PAPPA: variants seen among roughly 807,000 people sequenced by gnomAD.
PAPPA encodes pappalysin-1.
In PAPPA, 60 loss-of-function variants were observed where a neutral mutation model predicts 164.0. That is an observed-to-expected ratio of 0.37 (90% CI 0.30 to 0.45). The LOEUF (loss-of-function observed/expected upper bound fraction) is 0.45. PAPPA is among the 20% of genes least tolerant of loss of function. The pLI, the probability that PAPPA is intolerant of heterozygous loss-of-function variation, is 1.00. For missense variants in PAPPA, 1,782 were observed against 2,087.3 expected, an observed-to-expected ratio of 0.85 and a Z score of 2.85; for synonymous variants, 875 against 814.1, an observed-to-expected ratio of 1.07 and a Z score of -1.27.
chr9:116,154,365 C>T lies in PAPPA; in HGVS notation c.193C>T (p.Pro65Ser). Residue 65 changes from proline to serine, a missense_variant, in exon 1 of 22, where the codon CCG (proline) becomes TCG (serine). Physicochemically the swap from Pro to Ser is moderately conservative, Grantham distance 74. Coordinates refer to ENST00000328252, the MANE Select transcript of PAPPA (RefSeq NM_002581.5). The surrounding 1 kb of genome is among the most constrained non-coding windows in gnomAD (Gnocchi z 5.2). Reference sequence around the variant, plus strand: ...CGCCTCGCCGCCGCCGCCGCCGCCGCCGGGCGGTGCCTGGGAAGCCGTGCG... The same window carrying T: ...CGCCTCGCCGCCGCCGCCGCCGCCGTCGGGCGGTGCCTGGGAAGCCGTGCG... ...RRASPPPPPP[P>S]GGAWEAVRVP... 1.1e-6 allele frequency: 1 copy of T among 926,974 alleles called. No homozygotes were observed. Among genetic ancestry groups the T allele is most frequent in the Non-Finnish European group, 1.3e-6 (1 of 748,574 alleles). 57.4% of individuals were successfully genotyped at this position (926,974 alleles called of 1,614,324 possible). A position where few individuals can be genotyped will look rare whatever the true frequency, so the allele number is the denominator to read the frequency against.
At chr9:116,250,153 G>A (rs1219197961) in intron 7 of PAPPA, among the ~76,000 whole-genome samples, 1 of 152,048 alleles carries the variant, frequency 6.6e-6, no homozygotes, top group African/African-American at 2.4e-5. Flanking sequence ...TGGGGTATCG[G>A]GGGTTAATCT....
intron 2 of PAPPA, among the ~76,000 whole-genome samples, chr9:116,207,021 A>G (rs187134773): frequency 2.5e-4 from 38 of 152,312 alleles, no homozygotes; most frequent in Non-Finnish European, 4.6e-4. Flanking sequence ...TCTTTCATAC[A>G]TGGGGAGACC....
intron 1 of PAPPA, among the ~76,000 whole-genome samples, chr9:116,182,523 G>A (rs552536309): frequency 6.6e-6 from 1 of 152,318 alleles, no homozygotes; most frequent in East Asian, 1.9e-4. Flanking sequence ...TCGTCAGACA[G>A]ACTTGTCTTG....
At chr9:116,173,750 T>C (rs970023175) in intron 1 of PAPPA, among the ~76,000 whole-genome samples, 1 of 152,214 alleles carries the variant, frequency 6.6e-6, no homozygotes, top group Non-Finnish European at 1.5e-5. Context: ...CCAAATCCTG[T>C]ACCTCATGCA....
At chr9:116,333,646 G>A (rs1846021902) in intron 12 of PAPPA, among the ~76,000 whole-genome samples, 3 of 152,168 alleles carry the variant, frequency 2.0e-5, no homozygotes, top group Admixed American at 2.0e-4. Flanking sequence ...AAGGCAAGGG[G>A]AACCTATGAA....
chr9:116,263,209 A>G (rs1479586970), intron 7 of PAPPA, among the ~76,000 whole-genome samples: 2 of 152,214 alleles, frequency 1.3e-5, no homozygotes, highest in South Asian at 2.1e-4. Flanking sequence ...CTAATCAAAT[A>G]TGATGTTAGT....
In PAPPA at chr9:116,271,561, C is replaced by G; in HGVS notation, c.2953+145C>G. On this transcript the variant is annotated intron_variant, in intron 9 of 21. Transcript: ENST00000328252. The surrounding 1 kb of genome is among the most constrained non-coding windows in gnomAD (Gnocchi z 4.2). ...TGTTTATTGAGTGCCTCCTACATGC[C>G]AGGCACTGTTTTCAATATCGGGAAA... The G allele has an allele frequency of 1.5e-6, 1 of 654,160 alleles. No homozygotes were observed. Among genetic ancestry groups the G allele is most frequent in the Non-Finnish European group, 2.7e-6 (1 of 368,544 alleles). The allele number at this position is 654,160 out of a possible 1,614,324, so 40.5% of individuals were successfully genotyped here. A position where few individuals can be genotyped will look rare whatever the true frequency, so the allele number is the denominator to read the frequency against.
intron 21 of PAPPA, among the ~76,000 whole-genome samples, chr9:116,390,290 G>GAGAT (rs1846873496): frequency 6.6e-6 from 1 of 152,208 alleles, no homozygotes; most frequent in African/African-American, 2.4e-5. Context: ...GGAAGGACCA[G>GAGAT]AGATAGGGGT....
At chr9:116,262,040 C>T (rs942559692) in intron 7 of PAPPA, among the ~76,000 whole-genome samples, 2 of 151,894 alleles carry the variant, frequency 1.3e-5, no homozygotes, top group Non-Finnish European at 2.9e-5. Context: ...TGATTAGACC[C>T]CATCTCTACA....
At chr9:116,262,530 C>T (rs1025836979) in intron 7 of PAPPA, among the ~76,000 whole-genome samples, 1 of 152,120 alleles carries the variant, frequency 6.6e-6, no homozygotes, top group Non-Finnish European at 1.5e-5. Context: ...TGGACAGTGG[C>T]TCTAAATTTA....
chr9:116,340,193 T>C (rs956838997), intron 13 of PAPPA, among the ~76,000 whole-genome samples: 1 of 152,256 alleles, frequency 6.6e-6, no homozygotes, highest in Non-Finnish European at 1.5e-5. Context: ...TTCCCTCTTT[T>C]TTTGAATGAA....
At chr9:116,336,801 A>G (rs1846067753) in intron 13 of PAPPA, among the ~76,000 whole-genome samples, 1 of 152,104 alleles carries the variant, frequency 6.6e-6, no homozygotes, top group South Asian at 2.1e-4. Context: ...CAGTTTCCCC[A>G]TCTTTAAAAT....
intron 10 of PAPPA, chr9:116,318,220 C>T (rs1040319102): frequency 6.6e-6 from 1 of 152,220 alleles, no homozygotes; most frequent in Non-Finnish European, 1.5e-5. Flanking sequence ...CTCCAAGCCC[C>T]TCCCTCAGCC....
chr9:116,282,684 C>G (rs1202431774), intron 9 of PAPPA, among the ~76,000 whole-genome samples: 2 of 152,200 alleles, frequency 1.3e-5, no homozygotes, highest in Non-Finnish European at 2.9e-5. Context: ...GGCTTAACTA[C>G]TAATTTATGC....
At chr9:116,322,410 CAAAAAA>C (rs34749732) in intron 10 of PAPPA, among the ~76,000 whole-genome samples, 1 of 56,356 alleles carries the variant, frequency 1.8e-5, no homozygotes, top group Admixed American at 2.0e-4. Flanking sequence ...GACTTAGTCT[CAAAAAA>C]AAAAAAAAAA....
chr9:116,215,837 A>G (rs529480743), intron 4 of PAPPA, among the ~76,000 whole-genome samples: 2 of 152,330 alleles, frequency 1.3e-5, no homozygotes, highest in Admixed American at 6.5e-5. Flanking sequence ...TTCATTGACT[A>G]CTTAATGTGA....
intron 10 of PAPPA, among the ~76,000 whole-genome samples, chr9:116,330,911 G>C (rs1187682592): frequency 6.6e-6 from 1 of 152,062 alleles, no homozygotes; most frequent in Non-Finnish European, 1.5e-5. Flanking sequence ...CCTTGCTTCT[G>C]TTCCCTCTGC....
At chr9:116,156,013 A>G (rs946022595) in intron 1 of PAPPA, among the ~76,000 whole-genome samples, 2 of 151,954 alleles carry the variant, frequency 1.3e-5, no homozygotes, top group Non-Finnish European at 2.9e-5. Flanking sequence ...AACGTTATCC[A>G]TAATAATAAT....
At chr9:116,260,623 C>T (rs576782260) in intron 7 of PAPPA, among the ~76,000 whole-genome samples, 2 of 152,210 alleles carry the variant, frequency 1.3e-5, no homozygotes, top group East Asian at 1.9e-4. Context: ...AATGCTGAAG[C>T]AGTTTCTAGC....
Sources: gnomAD v4.1 joint callset for allele counts (sites outside exome capture counted in the v4.1 genomes callset) on GRCh38, gnomAD v4.1.1 for gene constraint, Gnocchi (gnomAD v3.1) non-coding constraint, MANE v1.5 for transcripts, NCBI Gene and HGNC (gene_info 2026-07-23, HGNC 2026-07-21) for gene names.